The following BTBD10 variants were observed in gnomAD, a reference collection of about 807,000 sequenced individuals.
The protein encoded by BTBD10 is BTB/POZ domain-containing protein 10.
A neutral mutation model predicts 53.2 loss-of-function variants in BTBD10; 21 were observed. The ratio of observed to expected loss-of-function variants is 0.39; its 90% CI spans 0.28 to 0.57. The LOEUF (loss-of-function observed/expected upper bound fraction) is 0.57, where lower values mean the gene tolerates loss of function less well. Ranked by LOEUF, BTBD10 falls within the 20% of genes least tolerant of loss-of-function variation. The pLI is 0.53. For missense variants in BTBD10, 360 were observed against 594.7 expected, an observed-to-expected ratio of 0.61 and a Z score of 4.10; for synonymous variants, 149 against 192.7, an observed-to-expected ratio of 0.77 and a Z score of 1.88.
At chr11:13,449,912 C>A (rs968337825) in intron 1 of BTBD10, among the ~76,000 whole-genome samples, 2 of 152,194 alleles carry the variant, frequency 1.3e-5, no homozygotes, top group East Asian at 3.8e-4. Flanking sequence ...TTAGGCCCTT[C>A]CCAGCACTTT....
intron 8 of BTBD10, among the ~76,000 whole-genome samples, chr11:13,397,979 G>T (rs958046878): frequency 6.6e-6 from 1 of 152,280 alleles, no homozygotes; most frequent in African/African-American, 2.4e-5. Flanking sequence ...GTCAATTTTG[G>T]AATAGGTGTG....
intron 1 of BTBD10, among the ~76,000 whole-genome samples, chr11:13,448,212 C>T (rs752187445): frequency 3.9e-5 from 6 of 152,080 alleles, no homozygotes; most frequent in Non-Finnish European, 8.8e-5. Context: ...AAAAAAGACA[C>T]CTCTCATGAT....
At chr11:13,458,182 AT>A (rs1410126026) in intron 1 of BTBD10, among the ~76,000 whole-genome samples, 1 of 151,680 alleles carries the variant, frequency 6.6e-6, no homozygotes, top group East Asian at 1.9e-4. Context: ...CTGTTAAATA[AT>A]ATCATTCACT....
chr11:13,430,280 G>C (rs1409139261), intron 2 of BTBD10, among the ~76,000 whole-genome samples: 1 of 152,090 alleles, frequency 6.6e-6, no homozygotes, highest in Non-Finnish European at 1.5e-5. Flanking sequence ...TGAAATGATA[G>C]CGTCACTTGT....
intron 2 of BTBD10, among the ~76,000 whole-genome samples, chr11:13,432,741 T>G (rs2134001225): frequency 6.6e-6 from 1 of 151,920 alleles, no homozygotes; most frequent in African/African-American, 2.4e-5. Flanking sequence ...TAGCAGAAAT[T>G]TTTACAAAGT....
chr11:13,423,887 T>G (rs2133977268), intron 2 of BTBD10, among the ~76,000 whole-genome samples: 1 of 152,302 alleles, frequency 6.6e-6, no homozygotes, highest in Non-Finnish European at 1.5e-5. Context: ...TATTTGTTTC[T>G]CATCAACCTA....
intron 2 of BTBD10, among the ~76,000 whole-genome samples, chr11:13,432,156 C>A (rs1412517834): frequency 1.3e-5 from 2 of 151,904 alleles, no homozygotes; most frequent in Non-Finnish European, 2.9e-5. Context: ...CTCAAAATGA[C>A]AAACTTACAG....
chr11:13,422,921 A>G (rs747537270), intron 2 of BTBD10, among the ~76,000 whole-genome samples: 6 of 152,344 alleles, frequency 3.9e-5, no homozygotes, highest in South Asian at 4.1e-4. Flanking sequence ...AAGTGTAGCA[A>G]TAATAGATAA....
chr11:13,459,982 T>C (rs942027519), intron 1 of BTBD10, among the ~76,000 whole-genome samples: 2 of 152,150 alleles, frequency 1.3e-5, no homozygotes, highest in African/African-American at 4.8e-5. Flanking sequence ...ACAAGCACAA[T>C]CTTCTCAAAT....
At chr11:13,442,907 CAGG>C (rs1950684764) in intron 2 of BTBD10, among the ~76,000 whole-genome samples, 1 of 152,196 alleles carries the variant, frequency 6.6e-6, no homozygotes, top group East Asian at 1.9e-4. Context: ...GCATATGGGA[CAGG>C]AGGTCTCTAA....
In BTBD10 at chr11:13,417,264, T is replaced by A; in HGVS notation, c.585-4A>T. The A allele has an allele frequency of 6.3e-7, 1 of 1,594,166 alleles. No homozygotes were observed. The highest frequency in any genetic ancestry group is 1.1e-5 in the South Asian group (1 of 88,658). ...TTCTCGGCCAGATCCAAACATCCTA[T>A]GATAGTAAATAATTGAGAAATACGT... On this transcript the variant is annotated splice_polypyrimidine_tract_variant and splice_region_variant and intron_variant, in intron 4 of 8. Transcript: ENST00000278174.
chr11:13,410,433 GC>G (rs1357124819), intron 6 of BTBD10, among the ~76,000 whole-genome samples: 1 of 152,122 alleles, frequency 6.6e-6, no homozygotes, highest in African/African-American at 2.4e-5. Flanking sequence ...ACAGGGTCTT[GC>G]TATGTTGCCT....
intron 6 of BTBD10, among the ~76,000 whole-genome samples, chr11:13,410,969 T>G (rs1213617039): frequency 6.6e-6 from 1 of 152,188 alleles, no homozygotes; most frequent in African/African-American, 2.4e-5. Context: ...AAGCTCAAGT[T>G]TTTTTTAAAG....
At chr11:13,420,851 A>T (rs1280114661) in intron 3 of BTBD10, among the ~76,000 whole-genome samples, 1 of 152,198 alleles carries the variant, frequency 6.6e-6, no homozygotes, top group Non-Finnish European at 1.5e-5. Flanking sequence ...CATGTAACAA[A>T]CTGTCAACTC....
chr11:13,424,811 A>C (rs1177065896), intron 2 of BTBD10, among the ~76,000 whole-genome samples: 1 of 152,180 alleles, frequency 6.6e-6, no homozygotes, highest in Non-Finnish European at 1.5e-5. Flanking sequence ...AAAGAGAGCA[A>C]TCATTGAAAA....
intron 2 of BTBD10, among the ~76,000 whole-genome samples, chr11:13,432,255 G>C (rs917388931): frequency 1.5e-4 from 23 of 152,002 alleles, no homozygotes; most frequent in African/African-American, 5.6e-4. Flanking sequence ...ATTTCTTTGT[G>C]GTGATAGAAG....
intron 7 of BTBD10, 140 bp downstream of exon 7, chr11:13,405,519 A>C (rs1209843396): frequency 5.9e-6 from 5 of 851,842 alleles, no homozygotes; most frequent in Non-Finnish European, 9.0e-6. Context: ...AGCCATAGGC[A>C]ATACATAAAA....
At chr11:13,451,781 T>C (rs1343656176) in intron 1 of BTBD10, among the ~76,000 whole-genome samples, 1 of 152,182 alleles carries the variant, frequency 6.6e-6, no homozygotes, top group Non-Finnish European at 1.5e-5. Flanking sequence ...AGATGTTAGA[T>C]TTAGCAAACA....
chr11:13,444,635 C>T (rs1950721197), intron 2 of BTBD10, among the ~76,000 whole-genome samples: 1 of 152,176 alleles, frequency 6.6e-6, no homozygotes, highest in East Asian at 1.9e-4. Flanking sequence ...ATGAAGCAAA[C>T]ACTGACATAA....
Sources: gnomAD v4.1 joint callset for allele counts (sites outside exome capture counted in the v4.1 genomes callset) on GRCh38, gnomAD v4.1.1 for gene constraint, MANE v1.5 for transcripts, NCBI Gene and HGNC (gene_info 2026-07-23, HGNC 2026-07-21) for gene names.